RAB11FIP3: variants seen among roughly 807,000 people sequenced by gnomAD.
RAB11FIP3 encodes the protein rab11 family-interacting protein 3.
A neutral mutation model predicts 77.8 loss-of-function variants in RAB11FIP3; 17 were observed. That is an observed-to-expected ratio of 0.22 (90% CI 0.15 to 0.33). RAB11FIP3 has a LOEUF of 0.33. RAB11FIP3 is among the 10% of genes least tolerant of loss of function. The pLI is 1.00. For missense variants in RAB11FIP3, 1,005 were observed against 1,011.2 expected (o/e 0.99, Z 0.08); for synonymous variants, 437 against 448.2 (o/e 0.98, Z 0.31).
intron 8 of RAB11FIP3, among the ~76,000 whole-genome samples, chr16:509,772 CT>C (rs2141879184): frequency 6.6e-6 from 1 of 152,352 alleles, no homozygotes; most frequent in South Asian, 2.1e-4. Context: ...CTTGTGGCCC[CT>C]CACAGCCTCT....
At chr16:486,252 G>A (rs191575317) in intron 4 of RAB11FIP3, among the ~76,000 whole-genome samples, 1 of 152,142 alleles carries the variant, frequency 6.6e-6, no homozygotes, top group Non-Finnish European at 1.5e-5. Flanking sequence ...CCAGCCCTTT[G>A]GGGGGCCGAG....
intron 1 of RAB11FIP3, chr16:451,375 A>T (rs960034281): frequency 1.3e-5 from 2 of 150,802 alleles, no homozygotes; most frequent in Non-Finnish European, 2.9e-5. Context: ...TTCCCGTATC[A>T]GGGAGCTTCT....
chr16:482,932 G>A (rs1379868382), intron 4 of RAB11FIP3, among the ~76,000 whole-genome samples, 196 bp downstream of exon 4: 1 of 152,112 alleles, frequency 6.6e-6, no homozygotes, highest in Non-Finnish European at 1.5e-5. Flanking sequence ...TGCCCGAGCA[G>A]TCTCCCTGTT....
At chr16:488,730 C>T (rs1235597192) in intron 4 of RAB11FIP3, 121 bp from the exon 5 acceptor site, 11 of 736,082 alleles carry the variant, frequency 1.5e-5, no homozygotes, top group African/African-American at 3.7e-5. Context: ...TTTTTTTAAA[C>T]GTGGCTCCCA....
rs146109686 is a variant in RAB11FIP3 at position 446,823 on chromosome 16, C to A, written c.715-14581C>A. On this transcript the variant is annotated intron_variant, in intron 1 of 13. Coordinates refer to ENST00000262305, the MANE Select transcript of RAB11FIP3 (RefSeq NM_014700.4). ...TCACGCAATTCTCCTGCCTCAGCCT[C>A]CCGAGTAGCTGGGATTACAGGCACA... 4.6e-3 allele frequency among the ~76,000 whole-genome samples: 707 copies of A among 152,208 alleles called. 2 individuals carry two copies. Among genetic ancestry groups the A allele is most frequent in the African/African-American group, 0.016 (667 of 41,544 alleles).
At chr16:511,298 T>C (rs1398094442) in intron 9 of RAB11FIP3, among the ~76,000 whole-genome samples, 84 of 49,800 alleles carry the variant, frequency 1.7e-3, no homozygotes, top group South Asian at 2.6e-3. Context: ...GGAGAGGTTC[T>C]TGACAGCCCG....
chr16:522,559 A>C lies in RAB11FIP3; in HGVS notation c.*1720A>C, dbSNP rs1385623677. 3.3e-5 allele frequency: 5 copies of C among 152,198 alleles called. No individual in the cohort carries two copies. The highest frequency in any genetic ancestry group is 6.5e-5 in the Admixed American group (1 of 15,288). The allele number at this position is 152,198 out of a possible 1,614,324, so 9.4% of individuals were successfully genotyped here. A position where few individuals can be genotyped will look rare whatever the true frequency, so the allele number is the denominator to read the frequency against. ...TCTGGGCCTGGCCCAGCTTCCCTCA[A>C]GGCGTCCGAGGCCATCAGTTGTCTG... On this transcript the variant is annotated 3_prime_UTR_variant, in exon 14 of 14. Coordinates refer to ENST00000262305, the MANE Select transcript of RAB11FIP3 (RefSeq NM_014700.4).
At chr16:439,042 G>C (rs2055181220) in intron 1 of RAB11FIP3, among the ~76,000 whole-genome samples, 1 of 152,126 alleles carries the variant, frequency 6.6e-6, no homozygotes, top group African/African-American at 2.4e-5. Context: ...GGAGTGCACT[G>C]GTGCCATCAC....
At chr16:501,726 AG>A (rs1297486302) in intron 6 of RAB11FIP3, among the ~76,000 whole-genome samples, 1 of 143,078 alleles carries the variant, frequency 7.0e-6, no homozygotes, top group East Asian at 2.2e-4. Context: ...TTCACAGACA[AG>A]TTCGGAGAAG....
chr16:429,643 G>T (rs947989905), intron 1 of RAB11FIP3, among the ~76,000 whole-genome samples: 3 of 151,946 alleles, frequency 2.0e-5, no homozygotes, highest in South Asian at 2.1e-4. Flanking sequence ...GGGATTACCG[G>T]TGCCCGTCAC....
intron 6 of RAB11FIP3, among the ~76,000 whole-genome samples, chr16:502,000 C>T (rs1032830307): frequency 2.6e-5 from 4 of 152,226 alleles, no homozygotes; most frequent in African/African-American, 9.6e-5. Flanking sequence ...CCCCCCATTT[C>T]ATAGGCAAGG....
chr16:482,800 G>T, intron 4 of RAB11FIP3, 64 bp downstream of exon 4: 1 of 1,498,436 alleles, frequency 6.7e-7, no homozygotes. Context: ...GGAGGTGTCT[G>T]ATGGGCAGAC....
intron 6 of RAB11FIP3, among the ~76,000 whole-genome samples, chr16:497,673 C>G (rs1431533783): frequency 6.6e-6 from 1 of 152,178 alleles, no homozygotes; most frequent in Non-Finnish European, 1.5e-5. Flanking sequence ...GTTGGATCCT[C>G]TAGCTCCCTG....
chr16:462,943 G>A (rs2141656273), intron 2 of RAB11FIP3, among the ~76,000 whole-genome samples: 1 of 152,274 alleles, frequency 6.6e-6, no homozygotes, highest in Non-Finnish European at 1.5e-5. Flanking sequence ...TTGCGTGCTT[G>A]TGCCGTATTT....
At chr16:448,065 C>A (rs893974324) in intron 1 of RAB11FIP3, among the ~76,000 whole-genome samples, 8 of 152,112 alleles carry the variant, frequency 5.3e-5, no homozygotes, top group African/African-American at 1.7e-4. Context: ...CACCTGTAAT[C>A]CTAGCATTTT....
At chr16:443,332 A>G (rs1356612500) in intron 1 of RAB11FIP3, among the ~76,000 whole-genome samples, 1 of 152,260 alleles carries the variant, frequency 6.6e-6, no homozygotes, top group Non-Finnish European at 1.5e-5. Context: ...CACGCTTAAA[A>G]TAAAAACATG....
intron 9 of RAB11FIP3, among the ~76,000 whole-genome samples, chr16:517,743 G>A (rs1486054327): frequency 3.3e-5 from 5 of 152,136 alleles, no homozygotes; most frequent in African/African-American, 9.7e-5. Context: ...CCAGTGCAGG[G>A]CCCACGGGGA....
At chr16:487,194 G>T (rs1202809776) in intron 4 of RAB11FIP3, among the ~76,000 whole-genome samples, 1 of 150,104 alleles carries the variant, frequency 6.7e-6, no homozygotes, top group Non-Finnish European at 1.5e-5. Flanking sequence ...GCAGTGGCGC[G>T]ATCTCGGCTC....
rs1317007590 is a variant in RAB11FIP3, at chr16:471,412, C to T, written c.903+23C>T. On this transcript the variant is annotated intron_variant, in intron 3 of 13. Coordinates refer to ENST00000262305, the MANE Select transcript of RAB11FIP3 (RefSeq NM_014700.4). This position sits in a 1 kb window ranked among gnomAD's most constrained non-coding sequence, Gnocchi z 4.4. ...GAGGCAAGTGGTTTTCACCCAGGAG[C>T]TTGGGGGAAGTCTGGCATCCACCTC... 1 of 1,565,074 alleles carries T rather than the reference C, an allele frequency of 6.4e-7. No individual in the cohort carries two copies.
Sources: allele counts gnomAD v4.1 joint callset (sites outside exome capture counted in the v4.1 genomes callset), GRCh38; gene constraint gnomAD v4.1.1; non-coding constraint Gnocchi (gnomAD v3.1); transcripts MANE v1.5; gene names NCBI Gene and HGNC (gene_info 2026-07-23, HGNC 2026-07-21).